The following BRF1 variants were observed in gnomAD, a reference collection of about 807,000 sequenced individuals.
BRF1 encodes the protein BRF1 general transcription factor IIIB subunit.
In BRF1, 59 loss-of-function variants were observed where a neutral mutation model predicts 81.7. The observed-to-expected ratio is 0.72, with a 90% CI of 0.59 to 0.90. The LOEUF is 0.90. Among genes scored for constraint, BRF1 ranks in the 40% least tolerant of loss-of-function variants. The pLI, the probability that BRF1 is intolerant of heterozygous loss-of-function variation, is 0.00. For synonymous variants in BRF1, 491 were observed against 395.6 expected (o/e 1.24, Z -2.86); for missense variants, 1,050 against 936.3 (o/e 1.12, Z -1.58).
In BRF1 at chr14:105,217,940, C is replaced by T. The variant is rs587768855; in HGVS notation, c.1516-140G>A. On this transcript the variant is annotated intron_variant, in intron 14 of 17. Transcript: ENST00000547530. ...GAAGGGCCGCTCCTGCCTCCTCCCC[C>T]CAGAATGTGGGCCAGCCTGGTGCTC... is the stretch of plus-strand genomic sequence containing the variant. 6.6e-6 allele frequency: 9 copies of T among 1,360,536 alleles called. No homozygotes were observed. In the East Asian group the frequency reaches 1.7e-4, roughly 26 times the overall value. The allele number at this position is 1,360,536 out of a possible 1,614,324, so 84.3% of individuals were successfully genotyped here. A position where few individuals can be genotyped will look rare whatever the true frequency, so the allele number is the denominator to read the frequency against.
At chr14:105,247,269 T>C (rs1218065121) in intron 5 of BRF1, 1 of 985,312 alleles carries the variant, frequency 1.0e-6, no homozygotes, top group Non-Finnish European at 1.2e-6. Flanking sequence ...GGCTTGGCCG[T>C]GCGGAGTTAC....
At position 105,269,404 on chromosome 14, in the gene BRF1, G is replaced by A. The variant is rs1200226085; in HGVS notation, c.439+3317C>T. 6.6e-6 allele frequency among the ~76,000 whole-genome samples: 1 copy of A among 152,150 alleles called. No individual in the cohort carries two copies. ...TGTCTTGTCCTTAGCAGCTTTATAA[G>A]GTACAAGTTTGTGCCACAAACCTGC... On this transcript the variant is annotated intron_variant, in intron 3 of 17. Coordinates refer to ENST00000547530, the MANE Select transcript of BRF1 (RefSeq NM_001519.4). This position sits in a 1 kb window ranked among gnomAD's most constrained non-coding sequence, Gnocchi z 5.0.
chr14:105,243,189 C>T (rs939894427), intron 5 of BRF1, among the ~76,000 whole-genome samples: 10 of 150,352 alleles, frequency 6.7e-5, no homozygotes, highest in Non-Finnish European at 1.3e-4. Flanking sequence ...ATCTGTAATC[C>T]CAGAATTTTG....
chr14:105,228,016 A>T (rs1367725372), intron 7 of BRF1: 1 of 152,174 alleles, frequency 6.6e-6, no homozygotes, highest in Non-Finnish European at 1.5e-5. Flanking sequence ...AACCCCGACA[A>T]ATACCACCCA....
At chr14:105,247,325 A>G in intron 5 of BRF1, 2 of 985,400 alleles carry the variant, frequency 2.0e-6, no homozygotes, top group Non-Finnish European at 2.4e-6. Context: ...GCATTCCACC[A>G]ACACTACGTG....
chr14:105,210,270 G>A lies in BRF1; in HGVS notation c.*281C>T, dbSNP rs77996637. Reference sequence around the variant, plus strand: ...AACACCACACTGCCAGCCTTGGAGGGTCCTTGGATGAGTCGACGGCAGGCA... The same window carrying A: ...AACACCACACTGCCAGCCTTGGAGGATCCTTGGATGAGTCGACGGCAGGCA... On this transcript the variant is annotated 3_prime_UTR_variant, in exon 18 of 18. Coordinates refer to ENST00000547530, the MANE Select transcript of BRF1 (RefSeq NM_001519.4). This position sits in a 1 kb window ranked among gnomAD's most constrained non-coding sequence, Gnocchi z 4.7. The A allele has an allele frequency of 8.3e-3, 4,026 of 485,890 alleles. 116 individuals are homozygous for A. Among genetic ancestry groups the A allele is most frequent in the Admixed American group, 0.067 (1,950 of 29,278 alleles). The allele number at this position is 485,890 out of a possible 1,614,324, so 30.1% of individuals were successfully genotyped here. A position where few individuals can be genotyped will look rare whatever the true frequency, so the allele number is the denominator to read the frequency against.
At chr14:105,281,538 C>A (rs1052554177) in intron 2 of BRF1, among the ~76,000 whole-genome samples, 1 of 144,190 alleles carries the variant, frequency 6.9e-6, no homozygotes, top group Non-Finnish European at 1.5e-5. Context: ...ACAGAGCCTG[C>A]GTGATCCTGA....
intron 1 of BRF1, among the ~76,000 whole-genome samples, chr14:105,297,594 T>C (rs2057796961): frequency 6.6e-6 from 1 of 151,542 alleles, no homozygotes; most frequent in Non-Finnish European, 1.5e-5. Flanking sequence ...AAAGAAAAAA[T>C]GTCAGCTCTC....
rs774591504 is a variant in BRF1 at position 105,256,331 on chromosome 14, C to T, written c.471+187G>A. ...TGGAGACCCACACTCCCACAAGTCTCGGACTGTGACCCCCATGTCATGAAG... is the reference window on the plus strand; with the variant it reads ...TGGAGACCCACACTCCCACAAGTCTTGGACTGTGACCCCCATGTCATGAAG... On this transcript the variant is annotated intron_variant, in intron 4 of 17. Coordinates refer to ENST00000547530, the MANE Select transcript of BRF1 (RefSeq NM_001519.4). 8.4e-6 allele frequency: 13 copies of T among 1,550,854 alleles called. No homozygotes were observed. In the East Asian group the frequency reaches 1.7e-4, roughly 20 times the overall value.
intron 3 of BRF1, among the ~76,000 whole-genome samples, chr14:105,258,536 G>A (rs1227874178): frequency 3.4e-5 from 5 of 146,622 alleles, no homozygotes; most frequent in African/African-American, 1.3e-4. Flanking sequence ...AGTGGCTCAC[G>A]CCTGTAATCC....
At chr14:105,261,732 C>T (rs1044111046) in intron 3 of BRF1, among the ~76,000 whole-genome samples, 7 of 152,274 alleles carry the variant, frequency 4.6e-5, no homozygotes, top group African/African-American at 1.7e-4. Context: ...GCTGTGTCCA[C>T]AACAGCCAGC....
chr14:105,247,192 G>A (rs1046952384), intron 5 of BRF1: 17 of 985,294 alleles, frequency 1.7e-5, no homozygotes, highest in Middle Eastern at 1.0e-3. Flanking sequence ...TGTCCTTGGC[G>A]GGTGCATCCA....
chr14:105,313,743 AAACT>A (rs1272096070), intron 1 of BRF1, among the ~76,000 whole-genome samples: 1 of 152,256 alleles, frequency 6.6e-6, no homozygotes, highest in African/African-American at 2.4e-5. Flanking sequence ...AAGCAACTGT[AAACT>A]AACTGTGAAA....
chr14:105,248,703 C>T, intron 5 of BRF1: 2 of 982,468 alleles, frequency 2.0e-6, no homozygotes, highest in African/African-American at 1.8e-5. Flanking sequence ...CACAGCGCCG[C>T]CGCCGCCCAT....
intron 2 of BRF1, among the ~76,000 whole-genome samples, chr14:105,278,268 C>T (rs1388519333): frequency 1.3e-5 from 2 of 151,872 alleles, no homozygotes; most frequent in African/African-American, 4.8e-5. Context: ...GCCTGGGCAA[C>T]ATAGTGAGAT....
At chr14:105,285,088 T>TC (rs1366111271) in intron 2 of BRF1, among the ~76,000 whole-genome samples, 1 of 152,186 alleles carries the variant, frequency 6.6e-6, no homozygotes, top group Non-Finnish European at 1.5e-5. Context: ...GCGGCAGTGT[T>TC]CCCCAAAATG....
At chr14:105,246,989 T>A in intron 5 of BRF1, 5 of 985,460 alleles carry the variant, frequency 5.1e-6, no homozygotes, top group Non-Finnish European at 6.0e-6. Flanking sequence ...AACCTGCTGA[T>A]CCTTTCTGTT....
At position 105,272,824 on chromosome 14, in the gene BRF1, G is replaced by A. The variant is rs759297787; in HGVS notation, c.336C>T (p.Asn112=). The change falls in exon 3 of 18, where the codon AAC becomes AAT. Residue 112 remains asparagine (N), a synonymous_variant. Transcript: ENST00000547530. The part of the protein sequence containing the change: ...LNQHCLDTAF[N]FFKMAVSRHL... ...GCCTGCTCACGGCCATCTTGAAGAA[G>A]TTGAAGGCGGTGTCCAGGCAGTGCT... The A allele has an allele frequency of 1.2e-6, 2 of 1,614,102 alleles. No individual in the cohort carries two copies. Among genetic ancestry groups the A allele is most frequent in the Non-Finnish European group, 8.5e-7 (1 of 1,180,008 alleles).
At chr14:105,241,914 C>G (rs978781509) in intron 5 of BRF1, 3 of 190,532 alleles carry the variant, frequency 1.6e-5, no homozygotes, top group Admixed American at 5.3e-5. Context: ...ACACTGAGGC[C>G]TGGCGCTGTG....
Sources: gnomAD v4.1 joint callset for allele counts (sites outside exome capture counted in the v4.1 genomes callset) on GRCh38, gnomAD v4.1.1 for gene constraint, Gnocchi (gnomAD v3.1) non-coding constraint, MANE v1.5 for transcripts, NCBI Gene and HGNC (gene_info 2026-07-23, HGNC 2026-07-21) for gene names.